Variants in TTC28 observed in about 807,000 individuals in gnomAD.
TTC28 encodes tetratricopeptide repeat domain 28, also known as tetratricopeptide repeat protein 28.
Under a neutral mutation model 198.0 loss-of-function variants are expected in TTC28, and 61 were observed. The ratio of observed to expected loss-of-function variants is 0.31; its 90% CI spans 0.25 to 0.38. TTC28 has a LOEUF of 0.38. TTC28 is among the 10% of genes least tolerant of loss of function. The pLI is 1.00. For synonymous variants in TTC28, 1,171 were observed against 1,297.8 expected (o/e 0.90, Z 2.10); for missense variants, 2,678 against 3,164.0 (o/e 0.85, Z 3.69).
intron 1 of TTC28, 94 bp downstream of exon 1, chr22:28,679,528 C>A: frequency 1.2e-6 from 1 of 825,424 alleles, no homozygotes; most frequent in Non-Finnish European, 1.7e-6. Flanking sequence ...CCTTCCGCCT[C>A]GCAGGCGCTC....
chr22:28,370,600 C>T (rs1601701945), intron 2 of TTC28, among the ~76,000 whole-genome samples: 2 of 152,042 alleles, frequency 1.3e-5, no homozygotes, highest in African/African-American at 4.8e-5. Flanking sequence ...TATATGACTA[C>T]ATTTATAATA....
intron 2 of TTC28, among the ~76,000 whole-genome samples, chr22:28,399,526 A>C (rs891971518): frequency 2.6e-5 from 4 of 151,858 alleles, no homozygotes; most frequent in African/African-American, 9.7e-5. Context: ...GGCTGTTCTC[A>C]AACTCCTGGG....
intron 8 of TTC28, among the ~76,000 whole-genome samples, chr22:28,104,097 C>G (rs1173955342): frequency 6.6e-6 from 1 of 152,218 alleles, no homozygotes; most frequent in Non-Finnish European, 1.5e-5. Flanking sequence ...GAATCATCAG[C>G]TCTTTACCCA....
intron 1 of TTC28, among the ~76,000 whole-genome samples, chr22:28,641,474 T>C (rs892174662): frequency 7.9e-5 from 12 of 152,206 alleles, no homozygotes; most frequent in Non-Finnish European, 1.2e-4. Flanking sequence ...TCCATTGATA[T>C]GGAAAGCAGA....
Position 27,999,251 on chromosome 22 carries a change from G to C in TTC28, c.4408C>G (p.Arg1470Gly). The change falls in exon 16 of 23, where the codon CGG (arginine) becomes GGG (glycine). Residue 1470 changes from arginine (R) to glycine (G), a missense_variant. Transcript: ENST00000397906. The stretch of plus-strand genomic sequence containing the variant: ...CTGGAGTATGTGGGCGGGTTCTTCC[G>C]TAAGTGAGACTAGGAGGGGAGGGGA... ...SLSVQSKSHLRKNPPTYSSST... is the reference protein window; with the variant it reads ...SLSVQSKSHLGKNPPTYSSST... 3 of 1,548,366 alleles carry C rather than the reference G, an allele frequency of 1.9e-6. No individual in the cohort carries two copies. Among genetic ancestry groups the C allele is most frequent in the Non-Finnish European group, 2.6e-6 (3 of 1,145,502 alleles).
intron 2 of TTC28, among the ~76,000 whole-genome samples, chr22:28,595,682 T>C (rs1313298761): frequency 1.3e-5 from 2 of 152,156 alleles, no homozygotes; most frequent in Non-Finnish European, 2.9e-5. Context: ...TCATAGCACT[T>C]TGGGAGGCCG....
intron 2 of TTC28, among the ~76,000 whole-genome samples, chr22:28,485,953 G>T (rs1010947113): frequency 6.6e-6 from 1 of 152,058 alleles, no homozygotes; most frequent in Non-Finnish European, 1.5e-5. Flanking sequence ...AAATTTTGGT[G>T]TTGATAAATT....
intron 2 of TTC28, among the ~76,000 whole-genome samples, chr22:28,573,508 G>GA (rs1278070933): frequency 3.3e-5 from 5 of 151,606 alleles, no homozygotes; most frequent in Non-Finnish European, 5.9e-5. Context: ...ATAAAGAACA[G>GA]AAAAATGCAT....
At chr22:28,398,755 T>G (rs1461507464) in intron 2 of TTC28, among the ~76,000 whole-genome samples, 1 of 152,228 alleles carries the variant, frequency 6.6e-6, no homozygotes, top group African/African-American at 2.4e-5. Context: ...TCACTTTATA[T>G]GCTAACTTTG....
intron 6 of TTC28, 28 bp downstream of exon 6, chr22:28,163,064 G>A (rs1331631773): frequency 6.6e-7 from 1 of 1,515,928 alleles, no homozygotes; most frequent in Non-Finnish European, 8.9e-7. Flanking sequence ...ACTTTGACCT[G>A]GGCTCTTACA....
chr22:27,993,211 G>T, intron 18 of TTC28, 76 bp downstream of exon 18: 1 of 1,307,566 alleles, frequency 7.6e-7, no homozygotes, highest in Non-Finnish European at 1.0e-6. Context: ...CCTCATGAAT[G>T]CGGGGCCCAA....
At chr22:28,326,426 A>G (rs2045530738) in intron 2 of TTC28, among the ~76,000 whole-genome samples, 1 of 152,144 alleles carries the variant, frequency 6.6e-6, no homozygotes, top group African/African-American at 2.4e-5. Flanking sequence ...TCTGACTGGA[A>G]AGGTTTGAGT....
intron 2 of TTC28, among the ~76,000 whole-genome samples, chr22:28,622,738 CAA>C (rs1365757709): frequency 6.6e-6 from 1 of 151,850 alleles, no homozygotes; most frequent in African/African-American, 2.4e-5. Context: ...AAGGCACAGA[CAA>C]GTTGAAAATA....
chr22:28,006,133 G>C (rs892985585), intron 14 of TTC28, among the ~76,000 whole-genome samples: 1 of 152,158 alleles, frequency 6.6e-6, no homozygotes, highest in Non-Finnish European at 1.5e-5. Context: ...AGCCTGCCAA[G>C]TCAGGGTGCT....
chr22:28,160,079 C>T (rs1920999470), intron 6 of TTC28, among the ~76,000 whole-genome samples: 1 of 152,002 alleles, frequency 6.6e-6, no homozygotes, highest in East Asian at 1.9e-4. Flanking sequence ...GGGGGCACTG[C>T]AGGGAGAGGT....
chr22:28,235,589 CA>C lies in TTC28; in HGVS notation c.933+60608del, dbSNP rs540548068. Among the ~76,000 whole-genome samples the C allele has an allele frequency of 1.6e-4, 24 of 152,200 alleles. No individual in the cohort carries two copies. The South Asian group carries it at 5.0e-3, about 32-fold the overall frequency. ...GAACAACATGGTAGTAGTGTCTGAACAGACAAAAATAACACTGGAATAGAAC... is the reference window on the plus strand; with the variant it reads ...GAACAACATGGTAGTAGTGTCTGAACGACAAAAATAACACTGGAATAGAAC... On this transcript the variant is annotated intron_variant, in intron 5 of 22. Transcript: ENST00000397906.
At chr22:28,573,326 G>A (rs2050092629) in intron 2 of TTC28, among the ~76,000 whole-genome samples, 2 of 150,920 alleles carry the variant, frequency 1.3e-5, no homozygotes, top group East Asian at 2.0e-4. Flanking sequence ...GTGGTGGCAT[G>A]CGTGTAGTCC....
intron 2 of TTC28, among the ~76,000 whole-genome samples, chr22:28,485,369 T>A (rs987569570): frequency 6.6e-6 from 1 of 152,210 alleles, no homozygotes; most frequent in African/African-American, 2.4e-5. Context: ...TGACTTTATG[T>A]TGCCTTTCTT....
chr22:28,057,707 A>G (rs1221657942), intron 12 of TTC28, among the ~76,000 whole-genome samples: 1 of 152,080 alleles, frequency 6.6e-6, no homozygotes. Flanking sequence ...ATGTTTTCAT[A>G]TAACAGTTTT....
Sources: gnomAD v4.1 joint callset for allele counts (sites outside exome capture counted in the v4.1 genomes callset) on GRCh38, gnomAD v4.1.1 for gene constraint, MANE v1.5 for transcripts, NCBI Gene and HGNC (gene_info 2026-07-23, HGNC 2026-07-21) for gene names.